Variants in ADAMTS16 observed in about 807,000 individuals in gnomAD.
The protein encoded by ADAMTS16 is ADAM metallopeptidase with thrombospondin type 1 motif 16, also known as A disintegrin and metalloproteinase with thrombospondin motifs 16.
A neutral mutation model predicts 145.8 loss-of-function variants in ADAMTS16; 94 were observed. That is an observed-to-expected ratio of 0.64 (90% CI 0.55 to 0.77). The LOEUF (loss-of-function observed/expected upper bound fraction) is 0.77, where lower values mean the gene tolerates loss of function less well. Ranked by LOEUF, ADAMTS16 falls within the 30% of genes least tolerant of loss-of-function variation. ADAMTS16 has a pLI of 0.00. For synonymous variants in ADAMTS16, 659 were observed against 604.3 expected (o/e 1.09, Z -1.33); for missense variants, 1,585 against 1,591.5 (o/e 1.00, Z 0.07).
chr5:5,152,645 C>A (rs1409312652), intron 3 of ADAMTS16, among the ~76,000 whole-genome samples: 1 of 152,180 alleles, frequency 6.6e-6, no homozygotes, highest in Non-Finnish European at 1.5e-5. Context: ...TGGAGAAGAA[C>A]CTCTGTTGCA....
At chr5:5,272,372 T>TC (rs1268754982) in intron 18 of ADAMTS16, among the ~76,000 whole-genome samples, 1 of 149,554 alleles carries the variant, frequency 6.7e-6, no homozygotes, top group Non-Finnish European at 1.5e-5. Flanking sequence ...TTTTTTTTTT[T>TC]TTTTTTTGAG....
chr5:5,233,871 G>C (rs1202842190), intron 12 of ADAMTS16, among the ~76,000 whole-genome samples: 1 of 152,198 alleles, frequency 6.6e-6, no homozygotes, highest in East Asian at 1.9e-4. Flanking sequence ...TAATGGGATT[G>C]CTGGGTCAAA....
At chr5:5,143,258 C>G (rs188956921) in intron 2 of ADAMTS16, among the ~76,000 whole-genome samples, 211 of 152,102 alleles carry the variant, frequency 1.4e-3, no homozygotes, top group African/African-American at 4.7e-3. Context: ...CCAGAATCTA[C>G]AAGAAACTTA....
At chr5:5,167,773 C>A (rs1013241588) in intron 3 of ADAMTS16, among the ~76,000 whole-genome samples, 2 of 152,192 alleles carry the variant, frequency 1.3e-5, no homozygotes, top group African/African-American at 4.8e-5. Flanking sequence ...CCCTGGGATA[C>A]AAATGTCTGT....
chr5:5,157,138 T>G (rs1734624180), intron 3 of ADAMTS16, among the ~76,000 whole-genome samples: 1 of 152,128 alleles, frequency 6.6e-6, no homozygotes, highest in Admixed American at 6.5e-5. Context: ...CAGCATGTGT[T>G]TAAAATCAAG....
intron 10 of ADAMTS16, among the ~76,000 whole-genome samples, chr5:5,219,546 G>C (rs1255498840): frequency 2.0e-5 from 3 of 152,242 alleles, no homozygotes; most frequent in African/African-American, 7.2e-5. Context: ...ATGGGACAGA[G>C]TGTCATGTTT....
intron 18 of ADAMTS16, among the ~76,000 whole-genome samples, chr5:5,286,857 CAAAAAAAAAA>C (rs1158555676): frequency 4.5e-5 from 1 of 22,118 alleles, no homozygotes; most frequent in African/African-American, 1.3e-4. Context: ...GACTCCGTCT[CAAAAAAAAAA>C]AAAAAAAAAA....
intron 10 of ADAMTS16, among the ~76,000 whole-genome samples, chr5:5,215,124 T>C (rs1736382026): frequency 6.6e-6 from 1 of 152,226 alleles, no homozygotes; most frequent in Non-Finnish European, 1.5e-5. Context: ...GAATAGACAA[T>C]GTAAATGCAT....
At chr5:5,229,398 AC>A (rs1456753259) in intron 11 of ADAMTS16, among the ~76,000 whole-genome samples, 13 of 152,064 alleles carry the variant, frequency 8.5e-5, no homozygotes, top group Admixed American at 5.9e-4. Context: ...GAAACCAGAC[AC>A]TGCAGTAAGG....
chr5:5,271,442 G>T (rs548573073), intron 18 of ADAMTS16, among the ~76,000 whole-genome samples: 1 of 152,248 alleles, frequency 6.6e-6, no homozygotes, highest in Non-Finnish European at 1.5e-5. Context: ...TCCTCCCTGC[G>T]CGGGCACTGC....
chr5:5,229,266 CCG>C (rs1560958396), intron 11 of ADAMTS16, among the ~76,000 whole-genome samples: 1 of 144,328 alleles, frequency 6.9e-6, no homozygotes, highest in African/African-American at 2.7e-5. Flanking sequence ...CCACTGCAGT[CCG>C]CAGTCCGGCC....
chr5:5,254,098 G>T (rs1325175803), intron 17 of ADAMTS16, among the ~76,000 whole-genome samples: 2 of 152,138 alleles, frequency 1.3e-5, no homozygotes, highest in Admixed American at 1.3e-4. Context: ...GGCAACAGGG[G>T]TCATTTCCCA....
chr5:5,204,671 T>C (rs537579391), intron 9 of ADAMTS16, among the ~76,000 whole-genome samples: 27 of 152,370 alleles, frequency 1.8e-4, no homozygotes, highest in African/African-American at 6.3e-4. Flanking sequence ...CTAAAACTTA[T>C]TCATTCATTC....
At chr5:5,151,000 T>A (rs2255746) in intron 3 of ADAMTS16, among the ~76,000 whole-genome samples, 151,730 of 152,270 alleles carry the variant, frequency 1, 75,615 homozygotes, top group Middle Eastern at 1. Flanking sequence ...CATTCATTTT[T>A]TCTTCATTCA....
intron 2 of ADAMTS16, 98 bp from the exon 3 acceptor site, chr5:5,146,032 G>C: frequency 9.4e-7 from 1 of 1,059,124 alleles, no homozygotes; most frequent in Non-Finnish European, 1.4e-6. Context: ...TGACTGGGTG[G>C]AAAGGTCATG....
intron 10 of ADAMTS16, among the ~76,000 whole-genome samples, chr5:5,218,268 A>T (rs1736492316): frequency 6.6e-6 from 1 of 152,136 alleles, no homozygotes. Context: ...GAATGGTTGC[A>T]CATATTTATG....
rs577552143 is a variant in ADAMTS16 at position 5,147,869 on chromosome 5, A to T, written c.501+1414A>T. On this transcript the variant is annotated intron_variant, in intron 3 of 22. Coordinates refer to ENST00000274181, the MANE Select transcript of ADAMTS16 (RefSeq NM_139056.4). ...TTGGATTTGGTTGTGGAAATTGGTG[A>T]GGTGCTTCTTGCTAACCCAGCAAGG... is the stretch of plus-strand genomic sequence containing the variant. Among the ~76,000 whole-genome samples, 13 of 152,214 alleles carry T rather than the reference A, an allele frequency of 8.5e-5. No homozygotes were observed. The East Asian group carries it at 2.3e-3, about 27-fold the overall frequency.
intron 18 of ADAMTS16, among the ~76,000 whole-genome samples, chr5:5,286,353 T>TCCTCATATTCCC (rs1397102249): frequency 6.6e-6 from 1 of 152,208 alleles, no homozygotes; most frequent in Non-Finnish European, 1.5e-5. Flanking sequence ...AGTATATTCC[T>TCCTCATATTCCC]CCTCATATTC....
At chr5:5,196,382 GC>G (rs1213358510) in intron 8 of ADAMTS16, among the ~76,000 whole-genome samples, 4 of 152,200 alleles carry the variant, frequency 2.6e-5, no homozygotes, top group African/African-American at 4.8e-5. Flanking sequence ...CCCATTTGTG[GC>G]TGTGCTTTGT....
Sources: gnomAD v4.1 joint callset for allele counts (sites outside exome capture counted in the v4.1 genomes callset) on GRCh38, gnomAD v4.1.1 for gene constraint, MANE v1.5 for transcripts, NCBI Gene and HGNC (gene_info 2026-07-23, HGNC 2026-07-21) for gene names.